Variants in CCSER1 observed in about 807,000 individuals in gnomAD.
CCSER1 encodes the protein serine-rich coiled-coil domain-containing protein 1.
Under a neutral mutation model 82.0 loss-of-function variants are expected in CCSER1, and 41 were observed. The ratio of observed to expected loss-of-function variants is 0.50; its 90% CI spans 0.39 to 0.65. The LOEUF is 0.65. Among genes scored for constraint, CCSER1 ranks in the 30% least tolerant of loss-of-function variants. CCSER1 has a pLI of 0.00. For synonymous variants in CCSER1, 414 were observed against 383.9 expected (o/e 1.08, Z -0.92); for missense variants, 1,119 against 1,064.2 (o/e 1.05, Z -0.72).
intron 5 of CCSER1, among the ~76,000 whole-genome samples, chr4:90,534,107 G>T (rs1774970135): frequency 6.6e-6 from 1 of 152,150 alleles, no homozygotes; most frequent in Admixed American, 6.5e-5. Context: ...TAGGCACTTG[G>T]AACAGAAATA....
chr4:90,450,537 T>C (rs937332379), intron 4 of CCSER1, among the ~76,000 whole-genome samples: 10 of 152,182 alleles, frequency 6.6e-5, no homozygotes, highest in Non-Finnish European at 1.3e-4. Context: ...TTGGTACTTA[T>C]CTTTTGTGAT....
intron 1 of CCSER1, among the ~76,000 whole-genome samples, chr4:90,199,893 A>G (rs1415541101): frequency 1.3e-5 from 2 of 152,142 alleles, no homozygotes; most frequent in Non-Finnish European, 2.9e-5. Flanking sequence ...AAGCAATCCT[A>G]GATTCGCTAA....
chr4:90,272,724 G>A (rs1476251222), intron 1 of CCSER1, among the ~76,000 whole-genome samples: 1 of 152,044 alleles, frequency 6.6e-6, no homozygotes, highest in Admixed American at 6.6e-5. Context: ...GTACTATTCA[G>A]CCATAAAATG....
chr4:90,151,565 A>C (rs868495389), intron 1 of CCSER1, among the ~76,000 whole-genome samples: 8 of 152,214 alleles, frequency 5.3e-5, no homozygotes, highest in South Asian at 4.1e-4. Context: ...AATGCTTTTA[A>C]ATCTTAAAAA....
At chr4:91,081,776 A>C (rs942327264) in intron 9 of CCSER1, among the ~76,000 whole-genome samples, 4 of 150,610 alleles carry the variant, frequency 2.7e-5, no homozygotes, top group Middle Eastern at 3.4e-3. Context: ...ATAACAGACA[A>C]ACAGAGTGCC....
chr4:91,513,187 G>A (rs1193842006), intron 10 of CCSER1, among the ~76,000 whole-genome samples: 1 of 151,978 alleles, frequency 6.6e-6, no homozygotes, highest in East Asian at 1.9e-4. Context: ...AGGGATTTTG[G>A]ATTTTAATGA....
intron 10 of CCSER1, among the ~76,000 whole-genome samples, chr4:91,149,889 G>T (rs1041024559): frequency 1.3e-5 from 2 of 152,146 alleles, no homozygotes; most frequent in Non-Finnish European, 2.9e-5. Flanking sequence ...TAGCCTTGTA[G>T]TATAGTTTGA....
chr4:90,179,009 T>G (rs965879677), intron 1 of CCSER1, among the ~76,000 whole-genome samples: 3 of 152,152 alleles, frequency 2.0e-5, no homozygotes, highest in Non-Finnish European at 4.4e-5. Flanking sequence ...ACACACACCA[T>G]ACATCCTCAG....
intron 6 of CCSER1, among the ~76,000 whole-genome samples, chr4:90,721,620 T>C (rs1461663367): frequency 6.6e-6 from 1 of 151,934 alleles, no homozygotes; most frequent in Non-Finnish European, 1.5e-5. Context: ...TTTATTTAGA[T>C]ATTAAATTGT....
intron 3 of CCSER1, among the ~76,000 whole-genome samples, chr4:90,397,846 G>A (rs1288995340): frequency 6.6e-6 from 1 of 152,186 alleles, no homozygotes; most frequent in Non-Finnish European, 1.5e-5. Context: ...CAATGTCTAA[G>A]ATGTCCTCAC....
chr4:91,555,346 G>A (rs1762350634), intron 10 of CCSER1, among the ~76,000 whole-genome samples: 1 of 150,966 alleles, frequency 6.6e-6, no homozygotes. Context: ...ATAAGTTACT[G>A]TATAGTTTAT....
intron 10 of CCSER1, among the ~76,000 whole-genome samples, chr4:91,424,588 C>T (rs1753871753): frequency 1.3e-5 from 2 of 152,120 alleles, no homozygotes; most frequent in South Asian, 4.1e-4. Context: ...ATGTTCTCAT[C>T]AGTAACATAA....
At chr4:90,715,581 A>G (rs1176355274) in intron 6 of CCSER1, among the ~76,000 whole-genome samples, 1 of 152,064 alleles carries the variant, frequency 6.6e-6, no homozygotes, top group African/African-American at 2.4e-5. Flanking sequence ...GCTGTCTTAG[A>G]TTATTGATAC....
rs138172139 is a variant in CCSER1, at chr4:90,277,469, C to T, written c.-41-30775C>T. Among the ~76,000 whole-genome samples, 8 of 151,998 alleles carry T rather than the reference C, an allele frequency of 5.3e-5. No homozygotes were observed. In the East Asian group the frequency reaches 5.8e-4, roughly 11 times the overall value. ...TAACCAAAACAGCATGGTACTAGTACGAAAACAGACACATAGGTCAATGGA... is the reference window on the plus strand; with the variant it reads ...TAACCAAAACAGCATGGTACTAGTATGAAAACAGACACATAGGTCAATGGA... On this transcript the variant is annotated intron_variant, in intron 1 of 10. Coordinates refer to ENST00000509176, the MANE Select transcript of CCSER1 (RefSeq NM_001145065.2).
intron 10 of CCSER1, among the ~76,000 whole-genome samples, chr4:91,335,535 G>A (rs530159575): frequency 6.6e-6 from 1 of 152,222 alleles, no homozygotes; most frequent in African/African-American, 2.4e-5. Flanking sequence ...CAATGTTGGA[G>A]AAAGAGACTG....
At chr4:91,539,346 C>G (rs55977645) in intron 10 of CCSER1, among the ~76,000 whole-genome samples, 10,058 of 151,972 alleles carry the variant, frequency 0.066, 356 homozygotes, top group Middle Eastern at 0.095. Context: ...GTTATTTTTC[C>G]CTTCTGACGC....
intron 8 of CCSER1, among the ~76,000 whole-genome samples, chr4:90,845,668 G>T (rs887932480): frequency 6.6e-6 from 1 of 151,960 alleles, no homozygotes; most frequent in East Asian, 1.9e-4. Context: ...ACAAAACCTT[G>T]AATTCAGGAT....
chr4:90,862,060 G>C (rs1765177574), intron 8 of CCSER1, among the ~76,000 whole-genome samples: 2 of 151,268 alleles, frequency 1.3e-5, no homozygotes, highest in South Asian at 4.2e-4. Flanking sequence ...ATTTTTCACA[G>C]ACTAAGAATA....
At chr4:90,965,467 C>T (rs890133296) in intron 9 of CCSER1, among the ~76,000 whole-genome samples, 9 of 152,196 alleles carry the variant, frequency 5.9e-5, no homozygotes, top group African/African-American at 1.2e-4. Context: ...ACCATCAGAT[C>T]GTTGAAGACA....
Sources: allele counts gnomAD v4.1 joint callset (sites outside exome capture counted in the v4.1 genomes callset), GRCh38; gene constraint gnomAD v4.1.1; transcripts MANE v1.5; gene names NCBI Gene and HGNC (gene_info 2026-07-23, HGNC 2026-07-21).